Variants in FSTL5 observed in about 807,000 individuals in gnomAD.
The protein encoded by FSTL5 is follistatin-related protein 5.
A neutral mutation model predicts 89.1 loss-of-function variants in FSTL5; 62 were observed. The ratio of observed to expected loss-of-function variants is 0.70; its 90% CI spans 0.57 to 0.86. FSTL5 has a LOEUF of 0.86. Among genes scored for constraint, FSTL5 ranks in the 40% least tolerant of loss-of-function variants. The probability of loss-of-function intolerance (pLI) is 0.00; values close to 1 mark genes in which losing one functional copy is unlikely to be tolerated. For missense variants in FSTL5, 1,057 were observed against 1,001.6 expected, an observed-to-expected ratio of 1.06 and a Z score of -0.75; for synonymous variants, 383 against 346.2, an observed-to-expected ratio of 1.11 and a Z score of -1.18.
rs977126610 is a variant in FSTL5 at position 161,920,321 on chromosome 4, T to A, written c.409+83A>T. On this transcript the variant is annotated intron_variant, in intron 4 of 15. Coordinates refer to ENST00000306100, the MANE Select transcript of FSTL5 (RefSeq NM_020116.5). ...TTTCCTTTTTAGACCCTTGCTGATATAAAATTGCTAGAGTTTAAAGGCACT... is the reference window on the plus strand; with the variant it reads ...TTTCCTTTTTAGACCCTTGCTGATAAAAAATTGCTAGAGTTTAAAGGCACT... 4 of 1,389,476 alleles carry A rather than the reference T, an allele frequency of 2.9e-6. No individual in the cohort carries two copies. The African/African-American group carries it at 4.3e-5, about 15-fold the overall frequency. The allele number at this position is 1,389,476 out of a possible 1,614,324, so 86.1% of individuals were successfully genotyped here.
At chr4:161,400,807 A>G (rs1325819073) in intron 15 of FSTL5, among the ~76,000 whole-genome samples, 1 of 152,098 alleles carries the variant, frequency 6.6e-6, no homozygotes, top group Non-Finnish European at 1.5e-5. Context: ...ACATGAGAAA[A>G]CAATTCTATG....
chr4:161,528,547 A>T (rs1385613627), intron 10 of FSTL5, among the ~76,000 whole-genome samples: 5 of 142,928 alleles, frequency 3.5e-5, no homozygotes, highest in Non-Finnish European at 7.7e-5. Context: ...GAGTTAATAG[A>T]AATATATGGC....
intron 3 of FSTL5, among the ~76,000 whole-genome samples, chr4:161,969,396 C>A (rs947156513): frequency 6.6e-6 from 1 of 151,794 alleles, no homozygotes; most frequent in African/African-American, 2.4e-5. Flanking sequence ...ACAATATAGG[C>A]GAGAGCAGCG....
intron 8 of FSTL5, among the ~76,000 whole-genome samples, chr4:161,554,384 G>T (rs1443382138): frequency 6.6e-6 from 1 of 151,484 alleles, no homozygotes; most frequent in African/African-American, 2.4e-5. Context: ...ATATTAGAAA[G>T]ATTCTAATGT....
intron 15 of FSTL5, among the ~76,000 whole-genome samples, chr4:161,440,919 C>T (rs1263699427): frequency 2.6e-5 from 4 of 152,058 alleles, no homozygotes; most frequent in Non-Finnish European, 5.9e-5. Flanking sequence ...ATTGATATTC[C>T]TGTTAAATTG....
chr4:161,694,157 C>A (rs1738053520), intron 6 of FSTL5, among the ~76,000 whole-genome samples: 1 of 152,048 alleles, frequency 6.6e-6, no homozygotes, highest in East Asian at 1.9e-4. Flanking sequence ...TATTCCCTTG[C>A]TTTTCTACTT....
At chr4:161,474,749 G>A (rs141825692) in intron 13 of FSTL5, among the ~76,000 whole-genome samples, 15 of 152,152 alleles carry the variant, frequency 9.9e-5, no homozygotes, top group African/African-American at 3.6e-4. Flanking sequence ...GTTCCACCAT[G>A]TTGGCCAGGA....
rs1380293319 is a variant in FSTL5, at chr4:162,037,438, G to A, written c.127-3780C>T. Reference sequence around the variant, plus strand: ...AGATTTTAAGTGCATGGCTTTTTGCGAGAGTAGGTGAGAAGAATCACACAT... The same window carrying A: ...AGATTTTAAGTGCATGGCTTTTTGCAAGAGTAGGTGAGAAGAATCACACAT... On this transcript the variant is annotated intron_variant, in intron 2 of 15. Transcript: ENST00000306100. Among the ~76,000 whole-genome samples, 7 of 151,968 alleles carry A rather than the reference G, an allele frequency of 4.6e-5. 1 individual carries two copies. The East Asian group carries it at 7.7e-4, about 17-fold the overall frequency.
At chr4:161,446,352 G>A (rs1255834851) in intron 15 of FSTL5, among the ~76,000 whole-genome samples, 2 of 152,014 alleles carry the variant, frequency 1.3e-5, no homozygotes, top group Non-Finnish European at 2.9e-5. Context: ...TATTCTCAAA[G>A]ATAAAATTAT....
At chr4:161,679,206 T>C (rs1737431129) in intron 6 of FSTL5, among the ~76,000 whole-genome samples, 1 of 151,610 alleles carries the variant, frequency 6.6e-6, no homozygotes, top group Admixed American at 6.6e-5. Context: ...ATAAAATAAA[T>C]ATTGCAAAAG....
chr4:161,782,106 T>C (rs1741692791), intron 4 of FSTL5, among the ~76,000 whole-genome samples: 2 of 152,280 alleles, frequency 1.3e-5, no homozygotes, highest in East Asian at 1.9e-4. Flanking sequence ...TAATATTCCA[T>C]TGTATGGATG....
Position 161,918,497 on chromosome 4 carries a change from C to A in FSTL5, c.409+1907G>T, listed in dbSNP as rs537266793. Among the ~76,000 whole-genome samples the A allele has an allele frequency of 4.9e-3, 753 of 152,172 alleles. 7 individuals carry two copies. Among genetic ancestry groups the A allele is most frequent in the African/African-American group, 0.017 (695 of 41,508 alleles). ...GCTCAAAGAACAAAAGTTCTTCAAACCATTATTTTATACATTTACTTTATA... is the reference window on the plus strand; with the variant it reads ...GCTCAAAGAACAAAAGTTCTTCAAAACATTATTTTATACATTTACTTTATA... On this transcript the variant is annotated intron_variant, in intron 4 of 15. Transcript: ENST00000306100.
At chr4:162,071,358 A>C (rs2111309810) in intron 2 of FSTL5, among the ~76,000 whole-genome samples, 1 of 151,854 alleles carries the variant, frequency 6.6e-6, no homozygotes, top group Middle Eastern at 3.4e-3. Flanking sequence ...TTCATATCAC[A>C]TAAAATAGAC....
chr4:162,056,812 C>T (rs1428429456), intron 2 of FSTL5, among the ~76,000 whole-genome samples: 1 of 151,852 alleles, frequency 6.6e-6, no homozygotes, highest in Non-Finnish European at 1.5e-5. Flanking sequence ...ATTGGATTCA[C>T]AAAGCTTTAT....
chr4:161,387,532 T>C (rs1320305814), intron 15 of FSTL5: 1 of 152,172 alleles, frequency 6.6e-6, no homozygotes, highest in South Asian at 2.1e-4. Flanking sequence ...TTATGACATG[T>C]AGTTTTATTT....
At position 161,749,977 on chromosome 4, in the gene FSTL5, C is replaced by G. The variant is rs1045526537; in HGVS notation, c.727+9434G>C. ...ACCATTACAGCATATATCCATGTGACAAACACATCTCTGAATCCAAAAAAT... is the reference window on the plus strand; with the variant it reads ...ACCATTACAGCATATATCCATGTGAGAAACACATCTCTGAATCCAAAAAAT... On this transcript the variant is annotated intron_variant, in intron 6 of 15. Transcript: ENST00000306100. Among the ~76,000 whole-genome samples the G allele has an allele frequency of 2.0e-5, 3 of 151,824 alleles. No homozygotes were observed. The South Asian group carries it at 6.2e-4, about 31-fold the overall frequency.
intron 12 of FSTL5, among the ~76,000 whole-genome samples, chr4:161,483,676 A>C (rs1729591667): frequency 6.6e-6 from 1 of 152,158 alleles, no homozygotes; most frequent in Non-Finnish European, 1.5e-5. Context: ...TTCTCAGATT[A>C]ACATTGATTT....
At chr4:161,514,519 T>C (rs1161116744) in intron 10 of FSTL5, among the ~76,000 whole-genome samples, 1 of 152,148 alleles carries the variant, frequency 6.6e-6, no homozygotes, top group Non-Finnish European at 1.5e-5. Flanking sequence ...ATGTTTACTA[T>C]TCAGGTGATA....
At chr4:161,820,943 CAA>C (rs33975990) in intron 4 of FSTL5, among the ~76,000 whole-genome samples, 10,911 of 138,890 alleles carry the variant, frequency 0.079, 579 homozygotes, top group East Asian at 0.18. Context: ...ATTGGTTGTC[CAA>C]AAAAAAAAAA....
Sources: gnomAD v4.1 joint callset for allele counts (sites outside exome capture counted in the v4.1 genomes callset) on GRCh38, gnomAD v4.1.1 for gene constraint, MANE v1.5 for transcripts, NCBI Gene and HGNC (gene_info 2026-07-23, HGNC 2026-07-21) for gene names.